The following PARN variants were observed in gnomAD, a reference collection of about 807,000 sequenced individuals.
PARN encodes the protein poly(A)-specific ribonuclease PARN.
PARN carries 71 observed loss-of-function variants against 102.8 expected under a neutral mutation model. The observed-to-expected ratio is 0.69, with a 90% CI of 0.57 to 0.84. PARN has a LOEUF of 0.84. Among genes scored for constraint, PARN ranks in the 40% least tolerant of loss-of-function variants. The probability of loss-of-function intolerance (pLI) is 0.00; values close to 1 mark genes in which losing one functional copy is unlikely to be tolerated. For synonymous variants in PARN, 261 were observed against 252.9 expected, an observed-to-expected ratio of 1.03 and a Z score of -0.30; for missense variants, 782 against 760.9, an observed-to-expected ratio of 1.03 and a Z score of -0.33.
intron 10 of PARN, among the ~76,000 whole-genome samples, chr16:14,604,762 C>T (rs1407589439): frequency 6.6e-6 from 1 of 151,624 alleles, no homozygotes; most frequent in Non-Finnish European, 1.5e-5. Flanking sequence ...ATTACAGGTG[C>T]GCACCAATAC....
At chr16:14,473,009 TATAA>T (rs1432304998) in intron 22 of PARN, among the ~76,000 whole-genome samples, 2 of 152,194 alleles carry the variant, frequency 1.3e-5, no homozygotes, top group African/African-American at 2.4e-5. Context: ...TAGTAAATAT[TATAA>T]ATAATAACTA....
intron 18 of PARN, among the ~76,000 whole-genome samples, chr16:14,563,631 T>C (rs949989900): frequency 1.3e-5 from 2 of 151,682 alleles, no homozygotes; most frequent in Admixed American, 1.3e-4. Flanking sequence ...TCAAACTCAG[T>C]CTCAAGTGAT....
At chr16:14,606,444 G>A in intron 10 of PARN, 40 bp downstream of exon 10, 2 of 1,160,210 alleles carry the variant, frequency 1.7e-6, no homozygotes, top group Non-Finnish European at 2.5e-6. Context: ...TGTAACAATG[G>A]ATGTGTTTAA....
At chr16:14,437,700 G>T (rs1476303405) in intron 23 of PARN, among the ~76,000 whole-genome samples, 2 of 152,200 alleles carry the variant, frequency 1.3e-5, no homozygotes, top group Admixed American at 1.3e-4. Flanking sequence ...GCTGACGGGG[G>T]AAACTGGCAG....
chr16:14,503,755 G>A (rs1964740717), intron 21 of PARN, among the ~76,000 whole-genome samples: 1 of 152,194 alleles, frequency 6.6e-6, no homozygotes, highest in African/African-American at 2.4e-5. Context: ...CGCTGCCAAT[G>A]CTGTAGGCTC....
At chr16:14,514,394 G>A (rs1036537020) in intron 21 of PARN, among the ~76,000 whole-genome samples, 9 of 152,004 alleles carry the variant, frequency 5.9e-5, no homozygotes, top group African/African-American at 2.2e-4. Context: ...CACCGTGTTA[G>A]CCAGGATGAT....
chr16:14,556,875 C>T (rs1000127847), intron 18 of PARN, among the ~76,000 whole-genome samples: 2 of 151,860 alleles, frequency 1.3e-5, no homozygotes, highest in African/African-American at 4.8e-5. Flanking sequence ...TCTCAAAAGC[C>T]CACATCATTA....
rs1022689609 is a variant in PARN, at chr16:14,562,802, A to G, written c.1263-7093T>C. Among the ~76,000 whole-genome samples, 5 of 152,202 alleles carry G rather than the reference A, an allele frequency of 3.3e-5. No homozygotes were observed. The East Asian group carries it at 9.6e-4, about 29-fold the overall frequency. On this transcript the variant is annotated intron_variant, in intron 18 of 23. Coordinates refer to ENST00000437198, the MANE Select transcript of PARN (RefSeq NM_002582.4). Reference sequence around the variant, plus strand: ...TTGAGGGAGTAACACACACAATACAAAAGAATCAGACACCTCTAACATTAG... The same window carrying G: ...TTGAGGGAGTAACACACACAATACAGAAGAATCAGACACCTCTAACATTAG...
At position 14,609,074 on chromosome 16, in the gene PARN, A is replaced by T. The variant is rs1440594477; in HGVS notation, c.604T>A (p.Leu202Ile). ...LQSEENKNLD[L>I]EPCTGFQRKL... ...ACAACTAACCCGGTACATGGCTCTA[A>T]ATCCAAGTTCTTGTTTTCTTCACTT... Residue 202 changes from leucine to isoleucine, a missense_variant, in exon 8 of 24, where the codon TTA becomes ATA. Leu to Ile is a conservative substitution (Grantham distance 5). Transcript: ENST00000437198. The T allele has an allele frequency of 3.2e-6, 5 of 1,579,906 alleles. No individual in the cohort carries two copies. The highest frequency in any genetic ancestry group is 1.1e-5 in the South Asian group (1 of 87,988).
intron 18 of PARN, among the ~76,000 whole-genome samples, chr16:14,560,422 ATAT>A (rs748414053): frequency 1.2e-4 from 19 of 152,256 alleles, no homozygotes; most frequent in Non-Finnish European, 2.9e-5. Flanking sequence ...TTCTGATGAA[ATAT>A]TATTTCCCCA....
chr16:14,506,865 AAAT>A (rs1337226351), intron 21 of PARN, among the ~76,000 whole-genome samples: 6 of 152,240 alleles, frequency 3.9e-5, no homozygotes, highest in African/African-American at 1.4e-4. Context: ...TATTAATAAA[AAAT>A]AAAATGCATG....
intron 21 of PARN, among the ~76,000 whole-genome samples, chr16:14,512,109 G>T (rs1023249877): frequency 6.6e-6 from 1 of 152,172 alleles, no homozygotes; most frequent in Admixed American, 6.5e-5. Flanking sequence ...GTGTACAAAA[G>T]TCAGTATGAC....
chr16:14,626,260 G>A (rs187400013), intron 5 of PARN, among the ~76,000 whole-genome samples: 1 of 152,326 alleles, frequency 6.6e-6, no homozygotes. Flanking sequence ...CAGAGTGGAT[G>A]CGAGGAGAAT....
intron 2 of PARN, among the ~76,000 whole-genome samples, chr16:14,629,366 AACCATCATCTCT>A (rs1355237275): frequency 1.3e-5 from 2 of 152,230 alleles, no homozygotes; most frequent in African/African-American, 4.8e-5. Flanking sequence ...GCAGCATCAA[AACCATCATCTCT>A]ATCTGAGATC....
At chr16:14,530,542 A>G (rs1966267543) in intron 21 of PARN, among the ~76,000 whole-genome samples, 1 of 134,916 alleles carries the variant, frequency 7.4e-6, no homozygotes, top group Non-Finnish European at 1.6e-5. Flanking sequence ...AAAAGGTTAC[A>G]TTAAAAAAAA....
At chr16:14,611,945 C>T (rs1451948214) in intron 6 of PARN, among the ~76,000 whole-genome samples, 2 of 152,148 alleles carry the variant, frequency 1.3e-5, no homozygotes, top group East Asian at 3.9e-4. Flanking sequence ...CAAAAGCAGC[C>T]ATACACAAAA....
At chr16:14,467,397 G>C (rs886895844) in intron 22 of PARN, among the ~76,000 whole-genome samples, 1 of 152,174 alleles carries the variant, frequency 6.6e-6, no homozygotes, top group Non-Finnish European at 1.5e-5. Context: ...GATTTAGTTT[G>C]TGAAGACTCT....
At chr16:14,489,437 CAAAAAAAA>C (rs770783306) in intron 21 of PARN, among the ~76,000 whole-genome samples, 22 of 59,438 alleles carry the variant, frequency 3.7e-4, no homozygotes, top group South Asian at 2.6e-3. Flanking sequence ...GAGAGAGACT[CAAAAAAAA>C]AAAAAAAAAA....
intron 2 of PARN, among the ~76,000 whole-genome samples, 183 bp downstream of exon 2, chr16:14,629,414 G>A (rs1279213256): frequency 1.3e-5 from 2 of 152,188 alleles, no homozygotes. Context: ...AACCTACGGC[G>A]TATCTTCATT....
Sources: gnomAD v4.1 joint callset for allele counts (sites outside exome capture counted in the v4.1 genomes callset) on GRCh38, gnomAD v4.1.1 for gene constraint, MANE v1.5 for transcripts, NCBI Gene and HGNC (gene_info 2026-07-23, HGNC 2026-07-21) for gene names.